The following ALDH7A1 variants were observed in gnomAD, a reference collection of about 807,000 sequenced individuals.
ALDH7A1 encodes aldehyde dehydrogenase 7 family member A1.
ALDH7A1 carries 63 observed loss-of-function variants against 79.9 expected under a neutral mutation model. That is an observed-to-expected ratio of 0.79 (90% confidence interval 0.64 to 0.97). The LOEUF (loss-of-function observed/expected upper bound fraction) is 0.97. ALDH7A1 is among the 50% of genes least tolerant of loss of function. The pLI, the probability that ALDH7A1 is intolerant of heterozygous loss-of-function variation, is 0.00. For missense variants in ALDH7A1, 627 were observed against 665.2 expected (o/e 0.94, Z 0.63); for synonymous variants, 240 against 231.2 (o/e 1.04, Z -0.34).
At position 126,594,063 on chromosome 5, in the gene ALDH7A1, A is replaced by T. The variant is rs114330536; in HGVS notation, c.193-659T>A. 2,015 of 361,332 alleles carry T rather than the reference A, an allele frequency of 5.6e-3. 32 individuals are homozygous for T. The highest frequency in any genetic ancestry group is 0.039 in the African/African-American group (1,810 of 46,784). 22.4% of individuals were successfully genotyped at this position (361,332 alleles called of 1,614,324 possible). A position where few individuals can be genotyped will look rare whatever the true frequency, so the allele number is the denominator to read the frequency against. ...TAACTGTTACATAACATCCTCCTAT[A>T]AAAAACTTTCTTTTAAAAAAAAATC... On this transcript the variant is annotated intron_variant, in intron 1 of 17. Coordinates refer to ENST00000409134, the MANE Select transcript of ALDH7A1 (RefSeq NM_001182.5).
chr5:126,575,748 T>C (rs140246470), intron 6 of ALDH7A1, among the ~76,000 whole-genome samples: 5 of 152,358 alleles, frequency 3.3e-5, no homozygotes, highest in South Asian at 4.1e-4. Flanking sequence ...CAGCCAGTTA[T>C]AGGAACTGAG....
rs1006666631 is a variant in ALDH7A1 at position 126,543,721 on chromosome 5, G to A, written c.*1244C>T. 7 of 152,194 alleles carry A rather than the reference G, an allele frequency of 4.6e-5. No individual in the cohort carries two copies. The highest frequency in any genetic ancestry group is 1.0e-4 in the Non-Finnish European group (7 of 68,090). 9.4% of individuals were successfully genotyped at this position (152,194 alleles called of 1,614,324 possible). ...AGTAGAGGGGTGCCATGCAGAAGGG[G>A]AGCAGAGAATGCCAGGAAGGCAGGA... On this transcript the variant is annotated 3_prime_UTR_variant, in exon 18 of 18. Coordinates refer to ENST00000409134, the MANE Select transcript of ALDH7A1 (RefSeq NM_001182.5).
intron 11 of ALDH7A1, among the ~76,000 whole-genome samples, chr5:126,558,445 C>T (rs2112767116): frequency 6.6e-6 from 1 of 152,214 alleles, no homozygotes; most frequent in Middle Eastern, 3.4e-3. Context: ...TATACATAGC[C>T]ATTTGCTTTT....
intron 7 of ALDH7A1, among the ~76,000 whole-genome samples, chr5:126,574,770 TCTA>T (rs111613890): frequency 0.021 from 3,248 of 152,158 alleles, 111 homozygotes; most frequent in African/African-American, 0.065. Context: ...CCCCAATTTC[TCTA>T]CTAATAATTC....
At chr5:126,581,025 T>C (rs1025889887) in intron 5 of ALDH7A1, among the ~76,000 whole-genome samples, 1 of 152,160 alleles carries the variant, frequency 6.6e-6, no homozygotes. Flanking sequence ...GGTTTCTCCA[T>C]GTTGGCCAGG....
At chr5:126,571,949 G>A (rs1750794639) in intron 7 of ALDH7A1, among the ~76,000 whole-genome samples, 2 of 152,140 alleles carry the variant, frequency 1.3e-5, no homozygotes. Flanking sequence ...TCAGTGCCCT[G>A]CAGGCTAAAG....
intron 10 of ALDH7A1, among the ~76,000 whole-genome samples, chr5:126,560,793 A>G (rs746542963): frequency 6.6e-6 from 1 of 152,220 alleles, no homozygotes; most frequent in Non-Finnish European, 1.5e-5. Context: ...AAACAGAAGA[A>G]GAAAAAACAA....
At chr5:126,585,168 G>A (rs919526321) in intron 3 of ALDH7A1, among the ~76,000 whole-genome samples, 1 of 152,012 alleles carries the variant, frequency 6.6e-6, no homozygotes, top group Non-Finnish European at 1.5e-5. Context: ...CATGGTGGCA[G>A]GTGCCTGTAA....
intron 13 of ALDH7A1, among the ~76,000 whole-genome samples, chr5:126,552,581 G>T (rs1463227161): frequency 2.6e-5 from 4 of 151,582 alleles, no homozygotes; most frequent in African/African-American, 9.7e-5. Flanking sequence ...ATTTTTAGTA[G>T]AGACCAGGTT....
At chr5:126,593,678 G>T in intron 1 of ALDH7A1, 1 of 569,538 alleles carries the variant, frequency 1.8e-6, no homozygotes, top group East Asian at 3.0e-5. Context: ...CAGTTATTTT[G>T]TCTCTTTTTC....
chr5:126,549,693 C>A (rs1170112981), intron 16 of ALDH7A1: 21 of 517,712 alleles, frequency 4.1e-5, no homozygotes, highest in Non-Finnish European at 6.9e-5. Flanking sequence ...CAGGGGTTCA[C>A]ACATTTCAAG....
At chr5:126,583,578 A>G (rs1315685182) in intron 4 of ALDH7A1, among the ~76,000 whole-genome samples, 1 of 151,560 alleles carries the variant, frequency 6.6e-6, no homozygotes, top group Non-Finnish European at 1.5e-5. Flanking sequence ...GCCCATGCCT[A>G]TAATCCCAGC....
rs577689787 is a variant in ALDH7A1, at chr5:126,594,799, G to A, written c.192+208C>T. ...AGTTTAGCCCCTACAGCTCCAAAAT[G>A]ACGTCGATTCTGCATAGCACACAAG... On this transcript the variant is annotated intron_variant, in intron 1 of 17. Transcript: ENST00000409134. Among the ~76,000 whole-genome samples, 4 of 152,184 alleles carry A rather than the reference G, an allele frequency of 2.6e-5. No homozygotes were observed. The South Asian group carries it at 8.3e-4, about 32-fold the overall frequency.
At chr5:126,546,238 A>C in intron 17 of ALDH7A1, 86 bp downstream of exon 17, 1 of 1,231,932 alleles carries the variant, frequency 8.1e-7, no homozygotes, top group Non-Finnish European at 1.2e-6. Flanking sequence ...GACACTGCAC[A>C]AAGACAGCAC....
intron 5 of ALDH7A1, among the ~76,000 whole-genome samples, chr5:126,580,566 A>G (rs1751138356): frequency 2.0e-5 from 3 of 152,124 alleles, no homozygotes; most frequent in African/African-American, 7.2e-5. Flanking sequence ...TTTACTCAAT[A>G]TTCCAAGAAA....
At chr5:126,570,075 A>G (rs1216007568) in intron 8 of ALDH7A1, 1 of 152,462 alleles carries the variant, frequency 6.6e-6, no homozygotes, top group Non-Finnish European at 1.5e-5. Flanking sequence ...TTACATTTAT[A>G]CAAAATGTCT....
intron 15 of ALDH7A1, 30 bp downstream of exon 15, chr5:126,550,165 AT>A (rs1554098157): frequency 6.3e-7 from 1 of 1,597,010 alleles, no homozygotes; most frequent in Non-Finnish European, 8.6e-7. Context: ...AATCAGACTT[AT>A]ATAAATTTTC....
chr5:126,591,598 T>C (rs910610101), intron 3 of ALDH7A1, among the ~76,000 whole-genome samples: 1 of 152,174 alleles, frequency 6.6e-6, no homozygotes, highest in Non-Finnish European at 1.5e-5. Context: ...GTAAGCACTT[T>C]AAATGATTAA....
rs766333326 is a variant in ALDH7A1 at position 126,575,419 on chromosome 5, C to A, written c.695+1G>T. ...GGAAAAAGAAAGCCACATGTACTTACTTTGTGACAGCCACACTAATGAGGG... is the reference window on the plus strand; with the variant it reads ...GGAAAAAGAAAGCCACATGTACTTAATTTGTGACAGCCACACTAATGAGGG... On this transcript the variant is annotated splice_donor_variant, in intron 7 of 17. Transcript: ENST00000409134. LOFTEE classifies it high-confidence loss of function. 6.2e-7 allele frequency: 1 copy of A among 1,613,100 alleles called. No individual in the cohort carries two copies. Among genetic ancestry groups the A allele is most frequent in the Non-Finnish European group, 8.5e-7 (1 of 1,179,530 alleles).
Sources: allele counts gnomAD v4.1 joint callset (sites outside exome capture counted in the v4.1 genomes callset), GRCh38; gene constraint gnomAD v4.1.1; transcripts MANE v1.5; gene names NCBI Gene and HGNC (gene_info 2026-07-23, HGNC 2026-07-21).